Variants in TFB2M observed in about 807,000 individuals in gnomAD.
TFB2M encodes dimethyladenosine transferase 2, mitochondrial.
In TFB2M, 44 loss-of-function variants were observed where a neutral mutation model predicts 41.3. The ratio of observed to expected loss-of-function variants is 1.07; its 90% CI spans 0.84 to 1.37. TFB2M has a LOEUF of 1.37. TFB2M is among the 40% of genes most tolerant of loss of function. The pLI is 0.00. For synonymous variants in TFB2M, 188 were observed against 176.8 expected, an observed-to-expected ratio of 1.06 and a Z score of -0.50; for missense variants, 496 against 490.2, an observed-to-expected ratio of 1.01 and a Z score of -0.11.
At chr1:246,544,761 A>G (rs1056036880) in intron 6 of TFB2M, 80 bp from the exon 7 acceptor site, 39 of 1,283,136 alleles carry the variant, frequency 3.0e-5, no homozygotes, top group Non-Finnish European at 3.1e-5. Flanking sequence ...CCTTCAAGCT[A>G]TCTGCTGAAA....
In TFB2M at chr1:246,564,389, A is replaced by G. The variant is rs766065669; in HGVS notation, c.359T>C (p.Val120Ala). 20 of 1,614,088 alleles carry G rather than the reference A, an allele frequency of 1.2e-5. No homozygotes were observed. The highest frequency in any genetic ancestry group is 3.3e-4 in the Middle Eastern group (2 of 6,084). ...TQALLEAGAK[V>A]VALESDKTFI... ...AGTTTTGTCACTTTCGAGCGCAACC[A>G]CTTTGGCACCAGCTTCAAGTAATGC... is the stretch of plus-strand genomic sequence containing the variant. Residue 120 changes from valine to alanine, a missense_variant, in exon 2 of 8, where the codon GTG (valine) becomes GCG (alanine). Transcript: ENST00000366514.
intron 4 of TFB2M, 112 bp downstream of exon 4, chr1:246,556,461 A>C: frequency 1.2e-6 from 1 of 843,864 alleles, no homozygotes; most frequent in South Asian, 2.9e-5. Flanking sequence ...ATTTAAAAAC[A>C]ATCTTAGACC....
intron 4 of TFB2M, among the ~76,000 whole-genome samples, chr1:246,555,013 A>G (rs1420047278): frequency 6.6e-6 from 1 of 152,230 alleles, no homozygotes; most frequent in Non-Finnish European, 1.5e-5. Flanking sequence ...AACAAACAAA[A>G]TAACCCATTA....
intron 2 of TFB2M, among the ~76,000 whole-genome samples, chr1:246,560,084 T>C (rs1413731272): frequency 6.6e-6 from 1 of 151,966 alleles, no homozygotes; most frequent in African/African-American, 2.4e-5. Context: ...TTATGAGATG[T>C]ATGCATGGAC....
At position 246,566,113 on chromosome 1, in the gene TFB2M, G is replaced by A; in HGVS notation, c.26C>T (p.Pro9Leu). 6 of 1,610,534 alleles carry A rather than the reference G, an allele frequency of 3.7e-6. No individual in the cohort carries two copies. The highest frequency in any genetic ancestry group is 5.1e-6 in the Non-Finnish European group (6 of 1,177,388). ...CAAGGCGGAGAGCCTCAGCCGCCGA[G>A]GAAGCCCGACCACTGGGATCCACAT... MWIPVVGLPRRLRLSALAG... is the reference protein window; with the variant it reads MWIPVVGLLRRLRLSALAG... The change falls in exon 1 of 8, where the codon CCT becomes CTT. Residue 9 changes from proline (P) to leucine (L), a missense_variant. Physicochemically the swap from Pro to Leu is moderately conservative, Grantham distance 98. Coordinates refer to ENST00000366514, the MANE Select transcript of TFB2M (RefSeq NM_022366.3).
At chr1:246,549,596 G>A (rs777277296) in intron 5 of TFB2M, among the ~76,000 whole-genome samples, 4 of 151,910 alleles carry the variant, frequency 2.6e-5, no homozygotes, top group Admixed American at 1.3e-4. Context: ...ATAAAAAACC[G>A]ACCCACCTGA....
chr1:246,559,238 C>T (rs376315167), intron 2 of TFB2M, among the ~76,000 whole-genome samples: 27 of 152,180 alleles, frequency 1.8e-4, no homozygotes, highest in African/African-American at 5.1e-4. Context: ...TGTGTGATAC[C>T]GTGTCCAGCT....
Position 246,541,128 on chromosome 1 carries a change from A to G in TFB2M, c.1094T>C (p.Met365Thr). 6.2e-7 allele frequency: 1 copy of G among 1,614,146 alleles called. No homozygotes were observed. Among genetic ancestry groups the G allele is most frequent in the East Asian group, 2.2e-5 (1 of 44,872 alleles). ...AAGTGTTTTGAAGTCTTGAGGGTGC[A>G]TGTTAACTACTTTCTCATCCTCCTG... ...GKQEDEKVVNMHPQDFKTLFE... is the reference protein window; with the variant it reads ...GKQEDEKVVNTHPQDFKTLFE... Residue 365 changes from methionine to threonine, a missense_variant, in exon 8 of 8, where the codon ATG becomes ACG. By Grantham distance (81) the Met-to-Thr change is moderately conservative. Transcript: ENST00000366514.
intron 1 of TFB2M, among the ~76,000 whole-genome samples, chr1:246,564,781 G>C (rs1659562271): frequency 6.6e-6 from 1 of 151,930 alleles, no homozygotes; most frequent in East Asian, 1.9e-4. Flanking sequence ...TTGGGTTCAA[G>C]CGATTCTCCT....
chr1:246,559,822 G>A (rs771732868), intron 2 of TFB2M, among the ~76,000 whole-genome samples: 4 of 152,186 alleles, frequency 2.6e-5, no homozygotes, highest in African/African-American at 4.8e-5. Context: ...CTACACTAGG[G>A]AGAAACAGAG....
intron 7 of TFB2M, among the ~76,000 whole-genome samples, chr1:246,541,426 T>G (rs1347499756): frequency 5.6e-5 from 1 of 17,786 alleles, no homozygotes; most frequent in African/African-American, 3.1e-4. Flanking sequence ...TGTACACTAT[T>G]TGGGCATGGG....
chr1:246,542,786 C>G (rs73142147), intron 7 of TFB2M, among the ~76,000 whole-genome samples: 2,164 of 152,112 alleles, frequency 0.014, 65 homozygotes, highest in African/African-American at 0.049. Context: ...AACATTTATT[C>G]CTTATTTCCC....
chr1:246,550,641 T>C (rs918318247), intron 5 of TFB2M, among the ~76,000 whole-genome samples: 1 of 152,210 alleles, frequency 6.6e-6, no homozygotes, highest in Non-Finnish European at 1.5e-5. Flanking sequence ...CCCAGCACTT[T>C]AAGAGGCTGA....
At chr1:246,558,701 A>C (rs1659383386) in intron 2 of TFB2M, among the ~76,000 whole-genome samples, 2 of 152,232 alleles carry the variant, frequency 1.3e-5, no homozygotes, top group Non-Finnish European at 2.9e-5. Flanking sequence ...TTCTAGGGGA[A>C]TCTAGTCAGC....
chr1:246,565,244 T>C (rs1659587943), intron 1 of TFB2M, among the ~76,000 whole-genome samples: 1 of 152,206 alleles, frequency 6.6e-6, no homozygotes, highest in Non-Finnish European at 1.5e-5. Flanking sequence ...GATAACATCA[T>C]TTTTTCAGCT....
intron 4 of TFB2M, among the ~76,000 whole-genome samples, chr1:246,555,188 G>A (rs1465233155): frequency 6.6e-6 from 1 of 152,102 alleles, no homozygotes; most frequent in Non-Finnish European, 1.5e-5. Context: ...CCCAGAAAAC[G>A]ACTCTCAGTA....
At chr1:246,543,990 TAAC>T (rs1215660863) in intron 7 of TFB2M, among the ~76,000 whole-genome samples, 2 of 152,098 alleles carry the variant, frequency 1.3e-5, no homozygotes, top group Non-Finnish European at 2.9e-5. Flanking sequence ...ACCCTGTCTC[TAAC>T]AACAACAAAA....
chr1:246,545,675 T>C (rs972667555), intron 6 of TFB2M, among the ~76,000 whole-genome samples: 2 of 151,894 alleles, frequency 1.3e-5, no homozygotes, highest in African/African-American at 4.8e-5. Context: ...TGGCAGGGTA[T>C]GGTGGTGCAT....
chr1:246,563,998 C>T (rs1172054322), intron 2 of TFB2M, among the ~76,000 whole-genome samples: 3 of 152,226 alleles, frequency 2.0e-5, no homozygotes, highest in Admixed American at 6.5e-5. Context: ...AATATTAGCA[C>T]TTATTCCAAT....
Sources: allele counts gnomAD v4.1 joint callset (sites outside exome capture counted in the v4.1 genomes callset), GRCh38; gene constraint gnomAD v4.1.1; transcripts MANE v1.5; gene names NCBI Gene and HGNC (gene_info 2026-07-23, HGNC 2026-07-21).